Variants in MTMR1 observed in about 807,000 individuals in gnomAD.
MTMR1 encodes phosphatidylinositol-3-phosphate phosphatase MTMR1.
Under a neutral mutation model 51.6 loss-of-function variants are expected in MTMR1, and 17 were observed. The ratio of observed to expected loss-of-function variants is 0.33; its 90% confidence interval spans 0.23 to 0.49. The LOEUF is 0.49. MTMR1 is among the 20% of genes least tolerant of loss of function. MTMR1 has a pLI of 0.99. For synonymous variants in MTMR1, 201 were observed against 205.6 expected (o/e 0.98, Z 0.19); for missense variants, 386 against 526.9 (o/e 0.73, Z 2.62).
chrX:150,723,395 G>T (rs1041167898), intron 4 of MTMR1, among the ~76,000 whole-genome samples: 32 of 110,340 alleles, frequency 2.9e-4, no homozygotes, highest in African/African-American at 1.0e-3. Flanking sequence ...GGGTCAAATG[G>T]TATTTCTAGT....
Position 150,723,364 on chromosome X carries a change from G to A in MTMR1, c.353-3851G>A, listed in dbSNP as rs781849791. On this transcript the variant is annotated intron_variant, in intron 4 of 15. Transcript: ENST00000445323. ...GCATGATTTATAGTCCTTTGGGTAT[G>A]TACCCAGTAATGGGATGGCTGGGTC... 2.0e-3 allele frequency among the ~76,000 whole-genome samples: 216 copies of A among 110,713 alleles called. 2 individuals are homozygous for A. The highest frequency in any genetic ancestry group is 2.9e-3 in the Non-Finnish European group (153 of 52,830).
chrX:150,751,524 T>C (rs2148663633), intron 14 of MTMR1, among the ~76,000 whole-genome samples: 1 of 111,236 alleles, frequency 9.0e-6, no homozygotes, highest in African/African-American at 3.3e-5. Flanking sequence ...TCCCCACAGT[T>C]GACAGTGCCC....
At chrX:150,719,024 A>G (rs1297325722) in intron 4 of MTMR1, among the ~76,000 whole-genome samples, 4 of 111,684 alleles carry the variant, frequency 3.6e-5, no homozygotes, top group African/African-American at 1.3e-4. Context: ...TATAAGGAAA[A>G]TATAGGAGAC....
rs782504760 is a variant in MTMR1, at chrX:150,744,417, G to A, written c.1530G>A (p.Leu510=). 5 of 1,209,672 alleles carry A rather than the reference G, an allele frequency of 4.1e-6. No individual in the cohort carries two copies. In the Middle Eastern group the frequency reaches 6.9e-4, roughly 166 times the overall value. ...HADADRSPIF[L]QFVDCVWQMT... ...ATGCTGACCGATCTCCCATATTTCT[G>A]CAGTTTGTTGATTGTGTTTGGCAAA... Residue 510 remains leucine (L), a synonymous_variant, in exon 13 of 16, where the codon CTG becomes CTA. Coordinates refer to ENST00000445323, the MANE Select transcript of MTMR1 (RefSeq NM_001306144.3).
At chrX:150,726,087 T>C (rs1307949804) in intron 4 of MTMR1, among the ~76,000 whole-genome samples, 3 of 111,996 alleles carry the variant, frequency 2.7e-5, no homozygotes, top group Non-Finnish European at 5.6e-5. Flanking sequence ...GGAACGGGGC[T>C]GCACAGCAGG....
chrX:150,755,728 A>T lies in MTMR1; in HGVS notation c.1720A>T (p.Asn574Tyr), dbSNP rs1199243931. ...TKTISLWSYI[N>Y]SQLDEFSNPF... is the part of the protein sequence containing the mutation. ...GACGATATCTTTATGGTCGTATATCAATAGCCAGCTAGACGAGTTTTCTAA... is the reference window on the plus strand; with the variant it reads ...GACGATATCTTTATGGTCGTATATCTATAGCCAGCTAGACGAGTTTTCTAA... Residue 574 changes from asparagine to tyrosine, a missense_variant, in exon 15 of 16, where the codon AAT becomes TAT. By Grantham distance (143) the Asn-to-Tyr change is moderately radical. Transcript: ENST00000445323. 2.5e-6 allele frequency: 3 copies of T among 1,203,577 alleles called. No homozygotes were observed. Among genetic ancestry groups the T allele is most frequent in the Non-Finnish European group, 3.4e-6 (3 of 892,470 alleles).
At chrX:150,748,679 C>A (rs782742175) in intron 13 of MTMR1, among the ~76,000 whole-genome samples, 16 of 106,277 alleles carry the variant, frequency 1.5e-4, no homozygotes, top group South Asian at 8.6e-4. Context: ...AAACAAAAAA[C>A]AAAAAAAAAC....
intron 6 of MTMR1, among the ~76,000 whole-genome samples, chrX:150,729,523 C>G (rs2042048891): frequency 8.9e-6 from 1 of 111,904 alleles, no homozygotes; most frequent in South Asian, 3.7e-4. Context: ...AAGAGCTTTA[C>G]AAGGTGTGGG....
rs782664481 is a variant in MTMR1, at chrX:150,758,554, G to A, written c.1857+2689G>A. Among the ~76,000 whole-genome samples, 200 of 111,720 alleles carry A rather than the reference G, an allele frequency of 1.8e-3. 2 individuals are homozygous for A. Among genetic ancestry groups the A allele is most frequent in the Non-Finnish European group, 3.0e-3 (162 of 53,143 alleles). ...TACGCCTGTAATCCTAGCACTTTGG[G>A]AGGCCGAGGTGGGCAGATCACGAGG... On this transcript the variant is annotated intron_variant, in intron 15 of 15. Coordinates refer to ENST00000445323, the MANE Select transcript of MTMR1 (RefSeq NM_001306144.3).
intron 13 of MTMR1, among the ~76,000 whole-genome samples, chrX:150,745,117 GT>G (rs782013467): frequency 1.4e-3 from 158 of 112,408 alleles, no homozygotes; most frequent in Admixed American, 2.5e-3. Flanking sequence ...TGTTGTCGTT[GT>G]TTTCCCCCTC....
At chrX:150,728,983 A>G (rs532124029) in intron 6 of MTMR1, among the ~76,000 whole-genome samples, 179 of 110,074 alleles carry the variant, frequency 1.6e-3, no homozygotes, top group African/African-American at 5.6e-3. Flanking sequence ...ATATGGAACA[A>G]TGGCAAGCAG....
intron 14 of MTMR1, among the ~76,000 whole-genome samples, chrX:150,751,910 CTTTTT>C (rs35937277): frequency 1.3e-3 from 55 of 41,620 alleles, no homozygotes; most frequent in Non-Finnish European, 1.7e-3. Context: ...CTTTTTCTTT[CTTTTT>C]TTTTTTTTTT....
chrX:150,720,543 G>A lies in MTMR1; in HGVS notation c.352+1843G>A, dbSNP rs782330880. ...TCCATTCATCTGTTGGTGGATATTTGGGTTGTTTCTACTGTTCGGCTGTTA... is the reference window on the plus strand; with the variant it reads ...TCCATTCATCTGTTGGTGGATATTTAGGTTGTTTCTACTGTTCGGCTGTTA... On this transcript the variant is annotated intron_variant, in intron 4 of 15. Coordinates refer to ENST00000445323, the MANE Select transcript of MTMR1 (RefSeq NM_001306144.3). Among the ~76,000 whole-genome samples, 7 of 111,986 alleles carry A rather than the reference G, an allele frequency of 6.3e-5. No homozygotes were observed. The South Asian group carries it at 2.6e-3, about 42-fold the overall frequency.
intron 4 of MTMR1, among the ~76,000 whole-genome samples, chrX:150,722,614 T>A (rs1557416609): frequency 9.0e-6 from 1 of 111,524 alleles, no homozygotes; most frequent in East Asian, 2.8e-4. Context: ...TGTGTCTTTA[T>A]ATTTAAGGTG....
chrX:150,742,606 G>C (rs1243175741), intron 12 of MTMR1, among the ~76,000 whole-genome samples: 1 of 110,155 alleles, frequency 9.1e-6, no homozygotes, highest in Non-Finnish European at 1.9e-5. Flanking sequence ...CACGAGGTCA[G>C]GAGATCGAGA....
At chrX:150,737,207 T>C in intron 11 of MTMR1, 35 bp from the exon 12 acceptor site, 2 of 1,134,702 alleles carry the variant, frequency 1.8e-6, no homozygotes, top group Non-Finnish European at 2.4e-6. Context: ...TGAAATTCAA[T>C]GTAGCCTGGT....
Position 150,711,241 on chromosome X carries a change from G to A in MTMR1, c.253-1101G>A, listed in dbSNP as rs2041295957. 3.6e-5 allele frequency among the ~76,000 whole-genome samples: 4 copies of A among 112,273 alleles called. No individual in the cohort carries two copies. In the Admixed American group the frequency reaches 3.8e-4, roughly 11 times the overall value. The stretch of plus-strand genomic sequence containing the variant: ...GAATAGTCTGTGTTTAGTAACTTAT[G>A]TATAGACTTTGTCTTTTAGCTATAT... On this transcript the variant is annotated intron_variant, in intron 2 of 15. Transcript: ENST00000445323.
rs2042305594 is a variant in MTMR1 at position 150,737,392 on chromosome X, G to A, written c.1417G>A (p.Gly473Arg). ...GGACAGTTACTACAGGACCATTAAA[G>A]GATTTGAAACTCTCGTAGAAAAGGA... ...MLDSYYRTIK[G>R]FETLVEKEWI... Residue 473 changes from glycine to arginine, a missense_variant, in exon 12 of 16, where the codon GGA becomes AGA. By Grantham distance (125) the Gly-to-Arg change is moderately radical. Transcript: ENST00000445323. The A allele has an allele frequency of 8.3e-7, 1 of 1,211,809 alleles. No individual in the cohort carries two copies. The highest frequency in any genetic ancestry group is 1.1e-6 in the Non-Finnish European group (1 of 895,470).
intron 4 of MTMR1, among the ~76,000 whole-genome samples, chrX:150,724,056 C>T (rs1426369796): frequency 1.8e-5 from 2 of 111,898 alleles, no homozygotes; most frequent in African/African-American, 6.5e-5. Context: ...GTGAGTGTGT[C>T]TTTATGGTAG....
Sources: allele counts gnomAD v4.1 joint callset (sites outside exome capture counted in the v4.1 genomes callset), GRCh38; gene constraint gnomAD v4.1.1; transcripts MANE v1.5; gene names NCBI Gene and HGNC (gene_info 2026-07-23, HGNC 2026-07-21).